The following ANKIB1 variants were observed in gnomAD, a reference collection of about 807,000 sequenced individuals.
ANKIB1 encodes ankyrin repeat and IBR domain-containing protein 1.
In ANKIB1, 43 loss-of-function variants were observed where a neutral mutation model predicts 122.1. The ratio of observed to expected loss-of-function variants is 0.35; its 90% CI spans 0.28 to 0.45. The LOEUF is 0.45. Among genes scored for constraint, ANKIB1 ranks in the 20% least tolerant of loss-of-function variants. The probability of loss-of-function intolerance (pLI) is 1.00; values close to 1 mark genes in which losing one functional copy is unlikely to be tolerated. For missense variants in ANKIB1, 992 were observed against 1,329.5 expected (o/e 0.75, Z 3.95); for synonymous variants, 390 against 442.0 (o/e 0.88, Z 1.48).
chr7:92,249,694 T>G (rs1801281887), intron 1 of ANKIB1, among the ~76,000 whole-genome samples: 1 of 151,952 alleles, frequency 6.6e-6, no homozygotes, highest in Non-Finnish European at 1.5e-5. Context: ...CACTCCAGCC[T>G]GGGTGACAGG....
At chr7:92,306,929 A>C (rs933433163) in intron 2 of ANKIB1, among the ~76,000 whole-genome samples, 16 of 152,200 alleles carry the variant, frequency 1.1e-4, no homozygotes, top group Admixed American at 9.2e-4. Flanking sequence ...ATAACTATGT[A>C]TGCAACAAAT....
chr7:92,352,732 G>A, intron 9 of ANKIB1, 90 bp downstream of exon 9: 1 of 1,275,034 alleles, frequency 7.8e-7, no homozygotes, highest in African/African-American at 1.5e-5. Flanking sequence ...CCTTTAAATT[G>A]TAGTATACTT....
Position 92,246,295 on chromosome 7 carries a change from C to T in ANKIB1, c.-315C>T, listed in dbSNP as rs1415321260. The T allele has an allele frequency of 7.4e-6, 3 of 406,094 alleles. No individual in the cohort carries two copies. Among genetic ancestry groups the T allele is most frequent in the Admixed American group, 5.9e-5 (2 of 34,020 alleles). The allele number at this position is 406,094 out of a possible 1,614,324, so 25.2% of individuals were successfully genotyped here. On this transcript the variant is annotated 5_prime_UTR_variant, in exon 1 of 20. Coordinates refer to ENST00000265742, the MANE Select transcript of ANKIB1 (RefSeq NM_019004.2). The stretch of plus-strand genomic sequence containing the variant: ...GTCTGAGCCTCGCCGCGGGCGCCTT[C>T]GGCTCACGCAGCGCTTCCCGCGGGC...
chr7:92,355,885 A>ATAATAG lies in ANKIB1; in HGVS notation c.1397+3245_1397+3246insATAGTA, dbSNP rs1803798885. On this transcript the variant is annotated intron_variant, in intron 9 of 19. Coordinates refer to ENST00000265742, the MANE Select transcript of ANKIB1 (RefSeq NM_019004.2). The stretch of plus-strand genomic sequence containing the variant: ...AATAATAATAATAATAATAATAATA[A>ATAATAG]TAGTAATAGTAATAATAAGGTAGAG... 1.1e-4 allele frequency among the ~76,000 whole-genome samples: 16 copies of ATAATAG among 145,040 alleles called. No homozygotes were observed. The South Asian group carries it at 3.3e-3, about 30-fold the overall frequency.
chr7:92,332,794 ATACATTTC>A (rs1252948879), intron 5 of ANKIB1, among the ~76,000 whole-genome samples: 1 of 152,120 alleles, frequency 6.6e-6, no homozygotes, highest in Non-Finnish European at 1.5e-5. Flanking sequence ...TTTGGAAATA[ATACATTTC>A]TCCCCCCTGG....
In ANKIB1 at chr7:92,289,970, C is replaced by T. The variant is rs1802212621; in HGVS notation, c.-90-4919C>T. Among the ~76,000 whole-genome samples, 3 of 152,164 alleles carry T rather than the reference C, an allele frequency of 2.0e-5. No homozygotes were observed. In the South Asian group the frequency reaches 6.2e-4, roughly 32 times the overall value. ...TAGCTGGGACTACAGAGGCACACCA[C>T]CACACCTGGCTAATTTTTGTATTTT... On this transcript the variant is annotated intron_variant, in intron 1 of 19. Transcript: ENST00000265742.
At chr7:92,338,930 AAAAAT>A (rs1374018905) in intron 5 of ANKIB1, among the ~76,000 whole-genome samples, 1 of 37,172 alleles carries the variant, frequency 2.7e-5, no homozygotes, top group Non-Finnish European at 5.6e-5. Flanking sequence ...AAAAAAAAAA[AAAAAT>A]ATATATATAT....
chr7:92,257,621 C>A (rs898556503), intron 1 of ANKIB1, among the ~76,000 whole-genome samples: 1 of 152,092 alleles, frequency 6.6e-6, no homozygotes, highest in Non-Finnish European at 1.5e-5. Context: ...GGAGAAACCC[C>A]GTCTCCACTA....
At chr7:92,271,230 C>CAA (rs1414571337) in intron 1 of ANKIB1, among the ~76,000 whole-genome samples, 3 of 152,130 alleles carry the variant, frequency 2.0e-5, no homozygotes, top group African/African-American at 7.2e-5. Context: ...TACCCTTTCT[C>CAA]CATTGAGTTG....
intron 1 of ANKIB1, among the ~76,000 whole-genome samples, chr7:92,288,351 A>C (rs1420283543): frequency 6.6e-6 from 1 of 152,246 alleles, no homozygotes; most frequent in Non-Finnish European, 1.5e-5. Context: ...AATCAATTAC[A>C]GAAGACATAA....
chr7:92,389,910 A>G (rs562915950), intron 14 of ANKIB1, 61 bp from the exon 15 acceptor site: 9 of 1,498,566 alleles, frequency 6.0e-6, no homozygotes, highest in Non-Finnish European at 7.2e-6. Flanking sequence ...TCATTGTTTA[A>G]TTAATATTAT....
At chr7:92,275,531 C>G (rs186391916) in intron 1 of ANKIB1, among the ~76,000 whole-genome samples, 1 of 151,930 alleles carries the variant, frequency 6.6e-6, no homozygotes, top group Admixed American at 6.6e-5. Context: ...ATTAACATTG[C>G]GAAATGTGAG....
At chr7:92,262,774 G>GA (rs1387701395) in intron 1 of ANKIB1, among the ~76,000 whole-genome samples, 1 of 151,922 alleles carries the variant, frequency 6.6e-6, no homozygotes, top group East Asian at 1.9e-4. Flanking sequence ...TTAAAAGAAA[G>GA]AAAAAAGATT....
chr7:92,298,546 T>C (rs943207629), intron 2 of ANKIB1, among the ~76,000 whole-genome samples: 1 of 152,026 alleles, frequency 6.6e-6, no homozygotes, highest in Non-Finnish European at 1.5e-5. Flanking sequence ...AAATGTGTTC[T>C]GAGGACTCCT....
At chr7:92,299,314 G>C (rs1425264277) in intron 2 of ANKIB1, among the ~76,000 whole-genome samples, 1 of 152,156 alleles carries the variant, frequency 6.6e-6, no homozygotes, top group Non-Finnish European at 1.5e-5. Context: ...ATATTTTTGA[G>C]AAGATCAGTG....
chr7:92,351,146 A>G (rs1803654212), intron 8 of ANKIB1, 52 bp downstream of exon 8: 4 of 1,341,998 alleles, frequency 3.0e-6, no homozygotes. Flanking sequence ...TGATTTTATT[A>G]AACCTTTATA....
At chr7:92,342,978 A>C (rs1803467672) in intron 5 of ANKIB1, 46 bp from the exon 6 acceptor site, 3 of 1,537,162 alleles carry the variant, frequency 2.0e-6, no homozygotes, top group Non-Finnish European at 1.8e-6. Flanking sequence ...TTATAACATT[A>C]CCATATTTTC....
intron 9 of ANKIB1, among the ~76,000 whole-genome samples, chr7:92,355,397 T>C (rs1429583627): frequency 3.3e-5 from 5 of 152,190 alleles, no homozygotes; most frequent in Admixed American, 6.5e-5. Context: ...AAACTTAAGA[T>C]GGTATGGTGG....
chr7:92,328,883 C>T (rs1053572463), intron 5 of ANKIB1, among the ~76,000 whole-genome samples: 5 of 149,126 alleles, frequency 3.4e-5, no homozygotes, highest in Non-Finnish European at 7.4e-5. Context: ...ATACAACTCT[C>T]CAGAATCACT....
Sources: allele counts gnomAD v4.1 joint callset (sites outside exome capture counted in the v4.1 genomes callset), GRCh38; gene constraint gnomAD v4.1.1; transcripts MANE v1.5; gene names NCBI Gene and HGNC (gene_info 2026-07-23, HGNC 2026-07-21).